The following LINGO2 variants were observed in gnomAD, a reference collection of about 807,000 sequenced individuals.
The protein encoded by LINGO2 is leucine rich repeat and Ig domain containing 2.
LINGO2 carries 14 observed loss-of-function variants against 30.6 expected under a neutral mutation model. The ratio of observed to expected loss-of-function variants is 0.46; its 90% CI spans 0.30 to 0.72. The LOEUF is 0.72. LINGO2 is among the 30% of genes least tolerant of loss of function. The pLI is 0.07. For missense variants in LINGO2, 729 were observed against 751.7 expected (o/e 0.97, Z 0.35); for synonymous variants, 317 against 288.5 (o/e 1.10, Z -1.00).
chr9:28,588,577 T>A (rs4879254), intron 1 of LINGO2, among the ~76,000 whole-genome samples: 89,810 of 150,286 alleles, frequency 0.6, 27,302 homozygotes, highest in East Asian at 0.71. Flanking sequence ...GTCACAAATA[T>A]CTCTTTAATG....
the LINGO2 span, among the ~76,000 whole-genome samples, chr9:28,901,336 G>A: frequency 6.6e-6 from 1 of 151,986 alleles, no homozygotes; most frequent in African/African-American, 2.4e-5. Context: ...TAACCAGAAA[G>A]AAAAGAATGT....
intron 4 of LINGO2, among the ~76,000 whole-genome samples, chr9:28,188,961 GGA>G (rs1457687105): frequency 6.6e-6 from 1 of 152,064 alleles, no homozygotes; most frequent in Non-Finnish European, 1.5e-5. Flanking sequence ...GCTTAAGATT[GGA>G]GAGAGAGGTG....
the LINGO2 span, among the ~76,000 whole-genome samples, chr9:29,060,454 T>C: frequency 6.6e-6 from 1 of 152,006 alleles, no homozygotes; most frequent in Non-Finnish European, 1.5e-5. Context: ...AAAATAAGTA[T>C]TCTTCATAGA....
chr9:28,400,447 A>C (rs1019837843), intron 2 of LINGO2, among the ~76,000 whole-genome samples: 3 of 152,224 alleles, frequency 2.0e-5, no homozygotes, highest in Non-Finnish European at 2.9e-5. Context: ...GGAAACCAGC[A>C]AACACTAATA....
At chr9:28,540,205 C>T (rs1186370747) in intron 1 of LINGO2, among the ~76,000 whole-genome samples, 2 of 151,744 alleles carry the variant, frequency 1.3e-5, no homozygotes, top group East Asian at 1.9e-4. Flanking sequence ...TCCCTTTATA[C>T]CATTTTTCAG....
At chr9:29,067,919 A>G in the LINGO2 span, among the ~76,000 whole-genome samples, 1 of 151,750 alleles carries the variant, frequency 6.6e-6, no homozygotes, top group African/African-American at 2.4e-5. Context: ...AGAGCAAAAA[A>G]GGAGCTTTAA....
chr9:28,284,475 TA>T (rs1421488574), intron 4 of LINGO2, among the ~76,000 whole-genome samples: 2 of 152,218 alleles, frequency 1.3e-5, no homozygotes, highest in Non-Finnish European at 2.9e-5. Context: ...TGGCATGTTG[TA>T]GATGAATGCT....
intron 1 of LINGO2, among the ~76,000 whole-genome samples, chr9:28,627,599 G>A (rs1241787123): frequency 2.0e-5 from 3 of 151,904 alleles, no homozygotes; most frequent in Non-Finnish European, 2.9e-5. Flanking sequence ...ATCTTGTGTT[G>A]CTTATTGTTT....
chr9:29,119,221 G>T, the LINGO2 span, among the ~76,000 whole-genome samples: 1 of 152,148 alleles, frequency 6.6e-6, no homozygotes, highest in South Asian at 2.1e-4. Flanking sequence ...AAAAGCTTCT[G>T]CATGGCAAAG....
intron 4 of LINGO2, among the ~76,000 whole-genome samples, chr9:28,215,713 T>C (rs994326975): frequency 3.3e-5 from 5 of 151,726 alleles, no homozygotes; most frequent in Non-Finnish European, 7.4e-5. Flanking sequence ...AACATGGTTA[T>C]GGCAGCACAT....
chr9:28,069,750 T>C (rs928144580), intron 4 of LINGO2, among the ~76,000 whole-genome samples: 1 of 152,160 alleles, frequency 6.6e-6, no homozygotes, highest in Non-Finnish European at 1.5e-5. Flanking sequence ...GTTGAGTTCA[T>C]GGAGAAGGCC....
At chr9:28,649,646 G>A (rs528567600) in intron 1 of LINGO2, among the ~76,000 whole-genome samples, 3 of 152,064 alleles carry the variant, frequency 2.0e-5, no homozygotes, top group East Asian at 3.9e-4. Context: ...CTGGAGAATA[G>A]AAAGTAGTTA....
chr9:29,168,052 A>G, the LINGO2 span, among the ~76,000 whole-genome samples: 1 of 152,090 alleles, frequency 6.6e-6, no homozygotes, highest in Non-Finnish European at 1.5e-5. Flanking sequence ...AGACATGTTT[A>G]TTTGTCTTTT....
chr9:28,127,097 T>G (rs1037866270), intron 4 of LINGO2, among the ~76,000 whole-genome samples: 3 of 152,218 alleles, frequency 2.0e-5, no homozygotes, highest in Admixed American at 2.0e-4. Context: ...TCGCTGGAAC[T>G]CAGTTCTGCC....
chr9:28,804,569 A>ACAAAAACAAAAAC, the LINGO2 span, among the ~76,000 whole-genome samples: 1 of 147,074 alleles, frequency 6.8e-6, no homozygotes, highest in Non-Finnish European at 1.5e-5. Context: ...AAAAACAAAA[A>ACAAAAACAAAAAC]AAAAACAGAT....
chr9:28,644,071 G>C (rs1367523792), intron 1 of LINGO2, among the ~76,000 whole-genome samples: 1 of 152,010 alleles, frequency 6.6e-6, no homozygotes, highest in Non-Finnish European at 1.5e-5. Context: ...GAGAACCCTT[G>C]TGCACTGTTG....
At chr9:29,170,167 C>T in the LINGO2 span, among the ~76,000 whole-genome samples, 2 of 152,126 alleles carry the variant, frequency 1.3e-5, no homozygotes, top group African/African-American at 4.8e-5. Context: ...TTATAGCAGC[C>T]CTATTCACAA....
intron 4 of LINGO2, among the ~76,000 whole-genome samples, chr9:28,128,638 A>T (rs536113692): frequency 2.0e-5 from 3 of 152,244 alleles, no homozygotes; most frequent in African/African-American, 7.2e-5. Flanking sequence ...GTGCTGCTCC[A>T]AGGCTGACCA....
the LINGO2 span, among the ~76,000 whole-genome samples, chr9:29,184,950 AC>A: frequency 6.6e-6 from 1 of 152,062 alleles, no homozygotes; most frequent in African/African-American, 2.4e-5. Context: ...GTCACAAACC[AC>A]CCCCAAAACA....
Sources: allele counts gnomAD v4.1 joint callset (sites outside exome capture counted in the v4.1 genomes callset), GRCh38; gene constraint gnomAD v4.1.1; transcripts MANE v1.5; gene names NCBI Gene and HGNC (gene_info 2026-07-23, HGNC 2026-07-21).